CCDC170: variants seen among roughly 807,000 people sequenced by gnomAD.
CCDC170 encodes the protein coiled-coil domain-containing protein 170.
In CCDC170, 69 loss-of-function variants were observed where a neutral mutation model predicts 72.6. The ratio of observed to expected loss-of-function variants is 0.95; its 90% confidence interval spans 0.78 to 1.16. The LOEUF is 1.16. Among genes scored for constraint, CCDC170 ranks in the 50% most tolerant of loss-of-function variants. The pLI is 0.00. For synonymous variants in CCDC170, 300 were observed against 303.9 expected (o/e 0.99, Z 0.13); for missense variants, 852 against 832.5 (o/e 1.02, Z -0.29).
chr6:151,512,764 G>A (rs1388265807), intron 1 of CCDC170, among the ~76,000 whole-genome samples: 1 of 118,488 alleles, frequency 8.4e-6, no homozygotes, highest in Non-Finnish European at 1.8e-5. Context: ...AATAATGTTA[G>A]TAAAGTGTTT....
At chr6:151,596,256 T>C in intron 8 of CCDC170, 79 bp from the exon 9 acceptor site, 1 of 1,437,604 alleles carries the variant, frequency 7.0e-7, no homozygotes, top group Non-Finnish European at 9.2e-7. Flanking sequence ...TAGATAGAGA[T>C]CAACATTATC....
chr6:151,524,549 C>A (rs990063327), intron 1 of CCDC170, among the ~76,000 whole-genome samples: 1 of 152,130 alleles, frequency 6.6e-6, no homozygotes, highest in African/African-American at 2.4e-5. Context: ...AAACATGCTT[C>A]CAGTTGTCTT....
chr6:151,594,217 T>C (rs1160113685), intron 8 of CCDC170, among the ~76,000 whole-genome samples: 1 of 152,224 alleles, frequency 6.6e-6, no homozygotes, highest in East Asian at 1.9e-4. Flanking sequence ...ACAATTCCAG[T>C]GTAGATGCTG....
chr6:151,499,239 GCT>G (rs1781954973), intron 1 of CCDC170, among the ~76,000 whole-genome samples: 1 of 123,348 alleles, frequency 8.1e-6, no homozygotes, highest in African/African-American at 3.7e-5. Context: ...TTCTAGGCAT[GCT>G]GTATAAGTGG....
intron 5 of CCDC170, among the ~76,000 whole-genome samples, chr6:151,562,795 C>A (rs9397431): frequency 6.6e-6 from 1 of 151,852 alleles, no homozygotes; most frequent in Non-Finnish European, 1.5e-5. Context: ...AAAGCAGGTG[C>A]CTTGATGCGT....
intron 5 of CCDC170, among the ~76,000 whole-genome samples, chr6:151,568,904 T>G (rs188389109): frequency 3.3e-5 from 5 of 152,350 alleles, no homozygotes; most frequent in Admixed American, 2.6e-4. Context: ...ATTCCTCATT[T>G]TCTATATTTA....
chr6:151,559,012 C>CTTT lies in CCDC170; in HGVS notation c.774+10538_774+10540dup, dbSNP rs201171602. Among the ~76,000 whole-genome samples the CTTT allele has an allele frequency of 1.8e-3, 226 of 125,680 alleles. 14 individuals carry two copies. Among genetic ancestry groups the CTTT allele is most frequent in the Middle Eastern group, 5.1e-3 (1 of 198 alleles). The allele number at this position is 125,680 out of a possible 152,430, so 82.5% of individuals were successfully genotyped here. ...TGGTCATTTAACAACATTAATTTAT[C>CTTT]TTTTTTTTTTTTTTTTTCGAGACAG... On this transcript the variant is annotated intron_variant, in intron 5 of 10. Coordinates refer to ENST00000239374, the MANE Select transcript of CCDC170 (RefSeq NM_025059.4).
chr6:151,546,140 C>A (rs1782768978), intron 4 of CCDC170, among the ~76,000 whole-genome samples: 1 of 152,118 alleles, frequency 6.6e-6, no homozygotes, highest in African/African-American at 2.4e-5. Context: ...CCCAAATGTC[C>A]TCTCTGAAAG....
intron 9 of CCDC170, among the ~76,000 whole-genome samples, chr6:151,615,214 G>A (rs565168284): frequency 1.3e-5 from 2 of 152,260 alleles, no homozygotes; most frequent in East Asian, 3.9e-4. Context: ...TTATCTCATT[G>A]ATTTTTCAAA....
At chr6:151,599,145 TGAAAAG>T (rs752639326) in intron 9 of CCDC170, among the ~76,000 whole-genome samples, 3 of 152,170 alleles carry the variant, frequency 2.0e-5, no homozygotes, top group Admixed American at 1.3e-4. Context: ...TGCACACCTT[TGAAAAG>T]GAAACAAAAT....
chr6:151,548,405 A>T lies in CCDC170; in HGVS notation c.690A>T (p.Glu230Asp). 1 of 1,613,142 alleles carries T rather than the reference A, an allele frequency of 6.2e-7. No individual in the cohort carries two copies. The change falls in exon 5 of 11, where the codon GAA (glutamate) becomes GAT (aspartate). Residue 230 changes from glutamate (E) to aspartate (D), a missense_variant. Physicochemically the swap from Glu to Asp is conservative, Grantham distance 45 (BLOSUM62 2). Coordinates refer to ENST00000239374, the MANE Select transcript of CCDC170 (RefSeq NM_025059.4). ...VHEMEAKASR[E>D]TIMRLASEVN... ...AGATGGAAGCAAAAGCTAGCAGAGAAACGATCATGAGGCTGGCTTCAGAAG... is the reference window on the plus strand; with the variant it reads ...AGATGGAAGCAAAAGCTAGCAGAGATACGATCATGAGGCTGGCTTCAGAAG...
chr6:151,604,020 A>G (rs1776748059), intron 9 of CCDC170, among the ~76,000 whole-genome samples: 1 of 152,166 alleles, frequency 6.6e-6, no homozygotes, highest in African/African-American at 2.4e-5. Flanking sequence ...ATGTGGCCCA[A>G]CCTTAGTAAG....
chr6:151,513,792 C>T (rs111457693), intron 1 of CCDC170, among the ~76,000 whole-genome samples: 15 of 151,142 alleles, frequency 9.9e-5, no homozygotes, highest in African/African-American at 3.2e-4. Context: ...TAGTGGCATT[C>T]GCCTGTAATC....
chr6:151,586,217 C>A, intron 7 of CCDC170, 128 bp downstream of exon 7: 1 of 896,424 alleles, frequency 1.1e-6, no homozygotes, highest in Non-Finnish European at 1.7e-6. Flanking sequence ...AAGTCAATTT[C>A]AAGGAACAAT....
intron 8 of CCDC170, among the ~76,000 whole-genome samples, chr6:151,594,257 C>T (rs746474372): frequency 3.6e-4 from 55 of 152,246 alleles, no homozygotes; most frequent in African/African-American, 1.2e-3. Flanking sequence ...GCTCCCAATT[C>T]GGTTCCATCA....
At chr6:151,606,169 TG>T (rs1215187253) in intron 9 of CCDC170, among the ~76,000 whole-genome samples, 1 of 152,224 alleles carries the variant, frequency 6.6e-6, no homozygotes, top group Non-Finnish European at 1.5e-5. Context: ...CCCAAGCTGT[TG>T]GGATTACAGG....
rs759654717 is a variant in CCDC170 at position 151,585,959 on chromosome 6, A to G, written c.1163A>G (p.Gln388Arg). The stretch of plus-strand genomic sequence containing the variant: ...TTGGGAAAGGAGTCTGGGTTTCACC[A>G]GAAAGCTCTCCAGAGGGCCCAGAAA... ...EQLGKESGFHQKALQRAQKAE... is the reference protein window; with the variant it reads ...EQLGKESGFHRKALQRAQKAE... Residue 388 changes from glutamine to arginine, a missense_variant, in exon 7 of 11, where the codon CAG becomes CGG. Gln to Arg is a conservative substitution (Grantham distance 43). Transcript: ENST00000239374. The G allele has an allele frequency of 3.7e-5, 60 of 1,613,936 alleles. No individual in the cohort carries two copies. In the African/African-American group the frequency reaches 7.1e-4, roughly 19 times the overall value.
intron 8 of CCDC170, among the ~76,000 whole-genome samples, chr6:151,594,014 T>C (rs950609210): frequency 3.9e-5 from 6 of 152,202 alleles, no homozygotes; most frequent in African/African-American, 1.4e-4. Flanking sequence ...CACTAGAAAT[T>C]CTAGCAGAGA....
chr6:151,568,105 G>T (rs530624370), intron 5 of CCDC170, among the ~76,000 whole-genome samples: 142 of 38,264 alleles, frequency 3.7e-3, no homozygotes, highest in African/African-American at 0.011. Flanking sequence ...GTGAGACTCT[G>T]AAAAAAAAAA....
Sources: gnomAD v4.1 joint callset for allele counts (sites outside exome capture counted in the v4.1 genomes callset) on GRCh38, gnomAD v4.1.1 for gene constraint, MANE v1.5 for transcripts, NCBI Gene and HGNC (gene_info 2026-07-23, HGNC 2026-07-21) for gene names.